Variants in ATRX observed in about 807,000 individuals in gnomAD.
ATRX encodes the protein ATRX chromatin remodeler, also known as chromatin remodeler ATRX.
A neutral mutation model predicts 172.6 loss-of-function variants in ATRX; 12 were observed. The observed-to-expected ratio is 0.07, with a 90% CI of 0.04 to 0.11. The LOEUF (loss-of-function observed/expected upper bound fraction) is 0.11. Among genes scored for constraint, ATRX ranks in the 10% least tolerant of loss-of-function variants. ATRX has a pLI of 1.00. For missense variants in ATRX, 1,368 were observed against 1,767.4 expected, an observed-to-expected ratio of 0.77 and a Z score of 4.05; for synonymous variants, 674 against 594.7, an observed-to-expected ratio of 1.13 and a Z score of -1.94.
intron 22 of ATRX, among the ~76,000 whole-genome samples, chrX:77,614,723 A>C (rs997609513): frequency 7.2e-5 from 8 of 111,540 alleles, no homozygotes; most frequent in Admixed American, 2.9e-4. Context: ...ATATGTTGGA[A>C]ACATTTCGAG....
chrX:77,719,840 A>G (rs933109409), intron 1 of ATRX, among the ~76,000 whole-genome samples: 8 of 111,691 alleles, frequency 7.2e-5, no homozygotes, highest in African/African-American at 2.6e-4. Context: ...GACCTAACAG[A>G]CATCTACAGA....
At chrX:77,762,197 G>C (rs1334515378) in intron 1 of ATRX, among the ~76,000 whole-genome samples, 3 of 107,734 alleles carry the variant, frequency 2.8e-5, no homozygotes, top group Non-Finnish European at 5.7e-5. Flanking sequence ...GCAGCTACTC[G>C]GGAGGCTGAG....
chrX:77,696,458 G>A (rs1333470639), intron 5 of ATRX, 119 bp downstream of exon 5: 10 of 784,642 alleles, frequency 1.3e-5, no homozygotes, highest in African/African-American at 2.1e-5. Flanking sequence ...ACAACCACTA[G>A]GAAAATGCCA....
chrX:77,597,289 C>T (rs1185151842), intron 25 of ATRX, among the ~76,000 whole-genome samples: 1 of 110,193 alleles, frequency 9.1e-6, no homozygotes, highest in Non-Finnish European at 1.9e-5. Context: ...TGCCATCTGT[C>T]TATTCCATGG....
intron 19 of ATRX, among the ~76,000 whole-genome samples, chrX:77,625,484 C>T (rs2067790420): frequency 8.9e-6 from 1 of 112,694 alleles, no homozygotes; most frequent in African/African-American, 3.2e-5. Flanking sequence ...AAAATCTTCA[C>T]TATCTATACA....
rs1557142053 is a variant in ATRX at position 77,684,003 on chromosome X, C to T, written c.1253G>A (p.Arg418Gln). Residue 418 changes from arginine to glutamine, a missense_variant, in exon 9 of 35, where the codon CGA becomes CAA. Transcript: ENST00000373344. Reference protein sequence around the residue: ...ALEEDLNSEFRAMDAVNKEKN... With the variant: ...ALEEDLNSEFQAMDAVNKEKN... The stretch of plus-strand genomic sequence containing the variant: ...CTCTTTGTTTACAGCATCCATCGCT[C>T]GAAACTCGGAATTTAAGTCTTCTTC... The T allele has an allele frequency of 1.7e-6, 2 of 1,207,692 alleles. No individual in the cohort carries two copies. Among genetic ancestry groups the T allele is most frequent in the African/African-American group, 1.7e-5 (1 of 57,756 alleles).
intron 17 of ATRX, 129 bp from the exon 18 acceptor site, chrX:77,633,841 G>T: frequency 1.4e-6 from 1 of 696,071 alleles, no homozygotes; most frequent in Non-Finnish European, 2.2e-6. Context: ...AACCAGGCAA[G>T]GCACAGGGAA....
chrX:77,602,791 G>GT lies in ATRX; in HGVS notation c.5567-2228dup, dbSNP rs782774300. Among the ~76,000 whole-genome samples the GT allele has an allele frequency of 4.5e-4, 50 of 111,080 alleles. 1 individual carries two copies. The South Asian group carries it at 0.019, about 42-fold the overall frequency. On this transcript the variant is annotated intron_variant, in intron 22 of 34. Coordinates refer to ENST00000373344, the MANE Select transcript of ATRX (RefSeq NM_000489.6). ...AAAATACTTTAGTAAGAAGAGGAAT[G>GT]TTTTAATGATAAATGCCTATGTCAA...
intron 26 of ATRX, among the ~76,000 whole-genome samples, chrX:77,593,120 AG>A (rs1237969870): frequency 2.8e-5 from 3 of 107,683 alleles, no homozygotes; most frequent in Non-Finnish European, 3.8e-5. Flanking sequence ...GCTACTGGAG[AG>A]GCTGAGGTGG....
intron 1 of ATRX, among the ~76,000 whole-genome samples, chrX:77,767,687 G>A (rs1388692157): frequency 9.0e-6 from 1 of 111,359 alleles, no homozygotes; most frequent in African/African-American, 3.3e-5. Flanking sequence ...GAGCCCCAGT[G>A]CCCAGCCCCA....
intron 22 of ATRX, among the ~76,000 whole-genome samples, chrX:77,611,669 CAACATAGCAAG>C (rs1247509271): frequency 9.0e-6 from 1 of 110,699 alleles, no homozygotes; most frequent in East Asian, 2.8e-4. Context: ...CGAGCCTGGG[CAACATAGCAAG>C]ACCCCATCTC....
At chrX:77,664,239 TA>T (rs2070102408) in intron 11 of ATRX, among the ~76,000 whole-genome samples, 1 of 111,898 alleles carries the variant, frequency 8.9e-6, no homozygotes, top group Admixed American at 9.5e-5. Flanking sequence ...ATACAAGTAT[TA>T]AGAGATTTTT....
intron 1 of ATRX, among the ~76,000 whole-genome samples, chrX:77,727,398 C>T (rs1196341995): frequency 9.0e-6 from 1 of 111,516 alleles, no homozygotes; most frequent in East Asian, 2.8e-4. Flanking sequence ...TACTGCAGCA[C>T]TATTCACAGT....
At chrX:77,568,084 T>C (rs782454134) in intron 28 of ATRX, among the ~76,000 whole-genome samples, 14 of 106,422 alleles carry the variant, frequency 1.3e-4, no homozygotes, top group African/African-American at 4.4e-4. Flanking sequence ...CAAATCAAAT[T>C]AGTAATCTAA....
chrX:77,545,277 G>T (rs1557052815), intron 30 of ATRX, among the ~76,000 whole-genome samples: 3 of 112,032 alleles, frequency 2.7e-5, no homozygotes, highest in African/African-American at 9.7e-5. Context: ...AGCATGAGCT[G>T]CTAGCTCCTG....
intron 2 of ATRX, among the ~76,000 whole-genome samples, chrX:77,707,328 A>G (rs1449436198): frequency 2.7e-5 from 3 of 112,430 alleles, no homozygotes; most frequent in African/African-American, 9.7e-5. Context: ...ACGTTACAGG[A>G]CTGTACATTT....
chrX:77,712,467 C>T (rs964715421), intron 2 of ATRX, among the ~76,000 whole-genome samples: 1 of 112,091 alleles, frequency 8.9e-6, no homozygotes, highest in African/African-American at 3.2e-5. Flanking sequence ...TTCTTTAATG[C>T]GATGATATGG....
chrX:77,568,757 C>A (rs1021139850), intron 28 of ATRX, among the ~76,000 whole-genome samples: 1 of 111,439 alleles, frequency 9.0e-6, no homozygotes, highest in Non-Finnish European at 1.9e-5. Flanking sequence ...ATTATCCTTA[C>A]GATCAAGTGG....
chrX:77,573,495 C>T (rs1208284378), intron 28 of ATRX, among the ~76,000 whole-genome samples: 1 of 111,696 alleles, frequency 9.0e-6, no homozygotes, highest in Admixed American at 9.5e-5. Context: ...AATATCAATA[C>T]ACACACAAAT....
Sources: gnomAD v4.1 joint callset for allele counts (sites outside exome capture counted in the v4.1 genomes callset) on GRCh38, gnomAD v4.1.1 for gene constraint, MANE v1.5 for transcripts, NCBI Gene and HGNC (gene_info 2026-07-23, HGNC 2026-07-21) for gene names.